The following TNKS variants were observed in gnomAD, a reference collection of about 807,000 sequenced individuals.
TNKS encodes the protein poly [ADP-ribose] polymerase tankyrase-1.
In TNKS, 72 loss-of-function variants were observed where a neutral mutation model predicts 135.8. The ratio of observed to expected loss-of-function variants is 0.53; its 90% CI spans 0.44 to 0.64. The LOEUF is 0.64. Among genes scored for constraint, TNKS ranks in the 30% least tolerant of loss-of-function variants. TNKS has a pLI of 0.00. For synonymous variants in TNKS, 849 were observed against 649.3 expected, an observed-to-expected ratio of 1.31 and a Z score of -4.68; for missense variants, 1,769 against 1,674.0, an observed-to-expected ratio of 1.06 and a Z score of -0.99.
chr8:9,751,345 A>C (rs1472147946), intron 18 of TNKS, among the ~76,000 whole-genome samples: 1 of 152,234 alleles, frequency 6.6e-6, no homozygotes, highest in Non-Finnish European at 1.5e-5. Context: ...TTTCTAAAGA[A>C]GGGTGACAGT....
chr8:9,722,915 A>G lies in TNKS; in HGVS notation c.1921+2370A>G, dbSNP rs573586511. Among the ~76,000 whole-genome samples, 23 of 151,496 alleles carry G rather than the reference A, an allele frequency of 1.5e-4. No individual in the cohort carries two copies. The East Asian group carries it at 4.3e-3, about 28-fold the overall frequency. On this transcript the variant is annotated intron_variant, in intron 12 of 26. Transcript: ENST00000310430. ...TACTTTTAAAATGTCTTCTTACTGA[A>G]TGCAGTTAGAATATATGAGTTCTGG...
At chr8:9,736,151 A>G (rs1563200480) in intron 17 of TNKS, among the ~76,000 whole-genome samples, 2 of 151,006 alleles carry the variant, frequency 1.3e-5, no homozygotes, top group African/African-American at 2.4e-5. Context: ...TATATTTTAA[A>G]AACTAGAAAA....
intron 7 of TNKS, 140 bp from the exon 8 acceptor site, chr8:9,706,671 T>C (rs1804063339): frequency 1.4e-6 from 1 of 738,832 alleles, no homozygotes; most frequent in Admixed American, 3.8e-5. Flanking sequence ...TCAGCTGTTT[T>C]TGAAAGGTGA....
chr8:9,666,205 G>A lies in TNKS; in HGVS notation c.995-13746G>A, dbSNP rs536793182. ...CTCGTCACAGCTGGCTGCTGAACAC[G>A]CTGCCACACGTTGAAATGGTAATAT... On this transcript the variant is annotated intron_variant, in intron 3 of 26. Coordinates refer to ENST00000310430, the MANE Select transcript of TNKS (RefSeq NM_003747.3). Among the ~76,000 whole-genome samples the A allele has an allele frequency of 5.7e-4, 87 of 152,282 alleles. 1 individual carries two copies. In the South Asian group the frequency reaches 0.017, roughly 29 times the overall value.
chr8:9,767,139 T>A (rs1585441644), intron 25 of TNKS, among the ~76,000 whole-genome samples: 1 of 152,374 alleles, frequency 6.6e-6, no homozygotes. Context: ...TTACTTCTGA[T>A]GTTGCTGGTG....
chr8:9,644,176 T>A (rs1800825395), intron 3 of TNKS, among the ~76,000 whole-genome samples: 1 of 151,998 alleles, frequency 6.6e-6, no homozygotes, highest in Non-Finnish European at 1.5e-5. Flanking sequence ...AGTTGAAGAG[T>A]GCTGTGAATG....
chr8:9,729,835 G>A (rs756500966), intron 13 of TNKS, among the ~76,000 whole-genome samples: 9 of 139,792 alleles, frequency 6.4e-5, no homozygotes, highest in Non-Finnish European at 1.2e-4. Context: ...GTGCAGTAGC[G>A]TGATTTCGGC....
intron 3 of TNKS, among the ~76,000 whole-genome samples, chr8:9,635,200 T>G (rs1585258665): frequency 6.7e-6 from 1 of 149,514 alleles, no homozygotes; most frequent in Non-Finnish European, 1.5e-5. Flanking sequence ...AGTAATGAAC[T>G]GCTCAAAGAA....
chr8:9,584,287 T>C (rs182267413), intron 2 of TNKS, among the ~76,000 whole-genome samples: 2 of 152,280 alleles, frequency 1.3e-5, no homozygotes, highest in Admixed American at 1.3e-4. Flanking sequence ...TGGGCACTCC[T>C]TGCTGAGAGG....
At chr8:9,762,694 A>AGAT (rs1470922097) in intron 21 of TNKS, among the ~76,000 whole-genome samples, 2 of 152,016 alleles carry the variant, frequency 1.3e-5, no homozygotes, top group African/African-American at 4.8e-5. Context: ...TGAGGTCAGG[A>AGAT]GATTGAGACT....
At chr8:9,567,409 TTTC>T (rs1253817233) in intron 1 of TNKS, among the ~76,000 whole-genome samples, 1 of 152,142 alleles carries the variant, frequency 6.6e-6, no homozygotes, top group Non-Finnish European at 1.5e-5. Flanking sequence ...TAGCAACTGC[TTTC>T]TTATTTATTT....
intron 2 of TNKS, among the ~76,000 whole-genome samples, chr8:9,588,526 T>TCGG (rs1798475066): frequency 6.6e-6 from 1 of 152,202 alleles, no homozygotes; most frequent in African/African-American, 2.4e-5. Flanking sequence ...TCCGCCCACC[T>TCGG]CGGCGTTCCA....
At chr8:9,616,279 G>T (rs1264710267) in intron 3 of TNKS, among the ~76,000 whole-genome samples, 2 of 152,168 alleles carry the variant, frequency 1.3e-5, no homozygotes, top group Non-Finnish European at 2.9e-5. Context: ...AAGAGGAAAT[G>T]CTAGAATGGA....
intron 3 of TNKS, among the ~76,000 whole-genome samples, chr8:9,673,014 C>T (rs2128793935): frequency 6.6e-6 from 1 of 152,258 alleles, no homozygotes; most frequent in Non-Finnish European, 1.5e-5. Flanking sequence ...AGAGGAACAC[C>T]TCTTTTACCT....
intron 26 of TNKS, among the ~76,000 whole-genome samples, chr8:9,770,662 A>G (rs1358231578): frequency 6.6e-6 from 1 of 152,258 alleles, no homozygotes; most frequent in African/African-American, 2.4e-5. Flanking sequence ...TCTGAATGTA[A>G]GTGAACTTCA....
chr8:9,756,257 T>G (rs980143394), intron 20 of TNKS, among the ~76,000 whole-genome samples: 1 of 152,112 alleles, frequency 6.6e-6, no homozygotes, highest in Non-Finnish European at 1.5e-5. Flanking sequence ...TTAGTTCTTA[T>G]TACTCCTGCT....
rs1800529107 is a variant in TNKS at position 9,636,801 on chromosome 8, T to C, written c.994+21124T>C. On this transcript the variant is annotated intron_variant, in intron 3 of 26. Coordinates refer to ENST00000310430, the MANE Select transcript of TNKS (RefSeq NM_003747.3). ...CGTTAGATGGACACCAGATGAGTACTAACTAGTTCCCAGAAAGCTTATTAG... is the reference window on the plus strand; with the variant it reads ...CGTTAGATGGACACCAGATGAGTACCAACTAGTTCCCAGAAAGCTTATTAG... Among the ~76,000 whole-genome samples, 2 of 152,230 alleles carry C rather than the reference T, an allele frequency of 1.3e-5. 1 individual carries two copies. The highest frequency in any genetic ancestry group is 2.9e-5 in the Non-Finnish European group (2 of 68,014).
At chr8:9,745,679 A>G (rs948773831) in intron 17 of TNKS, among the ~76,000 whole-genome samples, 2 of 152,142 alleles carry the variant, frequency 1.3e-5, no homozygotes, top group African/African-American at 4.8e-5. Context: ...TGGTGGGATT[A>G]CAGGCCTGAA....
In TNKS at chr8:9,580,191, C is replaced by A; in HGVS notation, c.706C>A (p.Leu236Ile). 1 of 1,614,112 alleles carries A rather than the reference C, an allele frequency of 6.2e-7. No homozygotes were observed. The highest frequency in any genetic ancestry group is 8.5e-7 in the Non-Finnish European group (1 of 1,180,012). Residue 236 changes from leucine to isoleucine, a missense_variant, in exon 2 of 27, where the codon CTA (leucine) becomes ATA (isoleucine). Physicochemically the swap from Leu to Ile is conservative, Grantham distance 5. Transcript: ENST00000310430. The stretch of plus-strand genomic sequence containing the variant: ...AAGGAAGGATGTTGTAGAACACTTA[C>A]TACAGATGGGTGCTAATGTCCACGC... ...FGRKDVVEHLLQMGANVHARD... is the reference protein window; with the variant it reads ...FGRKDVVEHLIQMGANVHARD...
Sources: allele counts gnomAD v4.1 joint callset (sites outside exome capture counted in the v4.1 genomes callset), GRCh38; gene constraint gnomAD v4.1.1; transcripts MANE v1.5; gene names NCBI Gene and HGNC (gene_info 2026-07-23, HGNC 2026-07-21).